LRRC37A2: variants seen among roughly 807,000 people sequenced by gnomAD.
LRRC37A2 encodes the protein leucine-rich repeat-containing protein 37A2.
LRRC37A2 carries 9 observed loss-of-function variants against 68.8 expected under a neutral mutation model. The ratio of observed to expected loss-of-function variants is 0.13; its 90% CI spans 0.08 to 0.23. The LOEUF (loss-of-function observed/expected upper bound fraction) is 0.23. Ranked by LOEUF, LRRC37A2 falls within the 10% of genes least tolerant of loss-of-function variation. LRRC37A2 has a pLI of 1.00. For synonymous variants in LRRC37A2, 63 were observed against 367.6 expected, an observed-to-expected ratio of 0.17 and a Z score of 9.48; for missense variants, 168 against 950.4, an observed-to-expected ratio of 0.18 and a Z score of 10.82.
At chr17:46,802,252 G>A in the LRRC37A2 span, among the ~76,000 whole-genome samples, 942 of 152,098 alleles carry the variant, frequency 6.2e-3, 6 homozygotes, top group Middle Eastern at 0.014. Context: ...AGGATTAAAG[G>A]GTTGGACTTT....
chr17:47,040,077 C>T, the LRRC37A2 span, among the ~76,000 whole-genome samples: 1 of 151,718 alleles, frequency 6.6e-6, no homozygotes, highest in Admixed American at 6.6e-5. Flanking sequence ...TCATACTTTC[C>T]TTTAGTTCTC....
At chr17:46,799,868 C>T in the LRRC37A2 span, among the ~76,000 whole-genome samples, 4 of 152,202 alleles carry the variant, frequency 2.6e-5, no homozygotes, top group African/African-American at 7.2e-5. Flanking sequence ...AAGCAAAGTT[C>T]TAGAAGCTAT....
the LRRC37A2 span, among the ~76,000 whole-genome samples, chr17:46,771,373 A>G: frequency 6.6e-6 from 1 of 151,432 alleles, no homozygotes; most frequent in Non-Finnish European, 1.5e-5. Context: ...GCCTCGGGGA[A>G]GAGGGGCCGA....
At chr17:46,661,578 A>ATTGT in the LRRC37A2 span, among the ~76,000 whole-genome samples, 103 of 41,530 alleles carry the variant, frequency 2.5e-3, no homozygotes, top group African/African-American at 9.3e-3. Context: ...TGTTTGTTTG[A>ATTGT]TTGTTTGTTT....
chr17:46,902,750 G>T, the LRRC37A2 span, among the ~76,000 whole-genome samples: 5 of 152,050 alleles, frequency 3.3e-5, no homozygotes, highest in Non-Finnish European at 7.4e-5. Flanking sequence ...CCAACCCTGT[G>T]GTCAGTTTCC....
At chr17:46,782,983 C>T in the LRRC37A2 span, among the ~76,000 whole-genome samples, 2 of 152,176 alleles carry the variant, frequency 1.3e-5, no homozygotes, top group Non-Finnish European at 2.9e-5. Context: ...TGTGGGAGAG[C>T]GCCAAGGTGC....
chr17:46,529,210 A>T lies in LRRC37A2; in HGVS notation c.2906+5326A>T, dbSNP rs62073316. Among the ~76,000 whole-genome samples, 9 of 120,078 alleles carry T rather than the reference A, an allele frequency of 7.5e-5. No individual in the cohort carries two copies. In the East Asian group the frequency reaches 1.7e-3, roughly 23 times the overall value. The allele number at this position is 120,078 out of a possible 152,430, so 78.8% of individuals were successfully genotyped here. ...GAATTTGGAGGGAAAAAAAAGAACA[A>T]GCAAGAAATGTTCCCTTATTTTGTG... is the stretch of plus-strand genomic sequence containing the variant. On this transcript the variant is annotated intron_variant, in intron 6 of 14. Transcript: ENST00000576629.
the LRRC37A2 span, among the ~76,000 whole-genome samples, chr17:46,388,394 C>CAA: frequency 1.6e-4 from 7 of 44,670 alleles, no homozygotes; most frequent in Admixed American, 2.0e-4. Flanking sequence ...ACTAAAAATA[C>CAA]AAAAAAAAAA....
the LRRC37A2 span, among the ~76,000 whole-genome samples, chr17:46,744,577 T>C: frequency 6.6e-6 from 1 of 152,196 alleles, no homozygotes; most frequent in Non-Finnish European, 1.5e-5. Flanking sequence ...AAATCAGCCC[T>C]TCCATTTCAC....
chr17:46,823,175 T>A, the LRRC37A2 span, among the ~76,000 whole-genome samples: 224 of 129,870 alleles, frequency 1.7e-3, 6 homozygotes, highest in African/African-American at 5.6e-3. Flanking sequence ...ATTATATATT[T>A]ATATATAATA....
chr17:46,951,200 CAG>C, the LRRC37A2 span, among the ~76,000 whole-genome samples: 1 of 152,168 alleles, frequency 6.6e-6, no homozygotes, highest in Non-Finnish European at 1.5e-5. Flanking sequence ...AGGAGGCAGA[CAG>C]AGGTGGACGC....
the LRRC37A2 span, chr17:46,939,013 C>G: frequency 4.5e-6 from 6 of 1,330,380 alleles, no homozygotes; most frequent in South Asian, 8.7e-5. Context: ...CTCTCACTCT[C>G]GCTCTCACTG....
At chr17:46,971,504 C>T in the LRRC37A2 span, among the ~76,000 whole-genome samples, 2 of 152,142 alleles carry the variant, frequency 1.3e-5, no homozygotes, top group African/African-American at 4.8e-5. Flanking sequence ...CCTGGCCTAA[C>T]TATATCCTTT....
chr17:46,712,322 A>G, the LRRC37A2 span, among the ~76,000 whole-genome samples: 4 of 152,152 alleles, frequency 2.6e-5, no homozygotes, highest in African/African-American at 9.7e-5. Context: ...CATATTATCT[A>G]TTTAAACCCC....
At chr17:46,804,828 G>C in the LRRC37A2 span, among the ~76,000 whole-genome samples, 1 of 152,178 alleles carries the variant, frequency 6.6e-6, no homozygotes, top group Non-Finnish European at 1.5e-5. Context: ...CTAGAGGTTT[G>C]TAAAATGGAC....
the LRRC37A2 span, among the ~76,000 whole-genome samples, chr17:46,858,181 C>T: frequency 3.7e-4 from 56 of 152,326 alleles, no homozygotes; most frequent in African/African-American, 1.2e-3. Context: ...CCACCCACCT[C>T]GGCCTCCCAA....
At chr17:46,836,883 G>A in the LRRC37A2 span, among the ~76,000 whole-genome samples, 91 of 152,332 alleles carry the variant, frequency 6.0e-4, no homozygotes, top group African/African-American at 2.1e-3. Context: ...ATTTTGGTTT[G>A]TAAATGAACC....
the LRRC37A2 span, chr17:46,932,264 C>T: frequency 6.3e-7 from 1 of 1,581,116 alleles, no homozygotes. Flanking sequence ...GAGTTCAGAT[C>T]TCTGAGCGCC....
the LRRC37A2 span, among the ~76,000 whole-genome samples, chr17:46,812,056 A>T: frequency 6.6e-6 from 1 of 152,154 alleles, no homozygotes; most frequent in African/African-American, 2.4e-5. Flanking sequence ...CCTTCCCAGA[A>T]GGCCCGTTTT....
Sources: gnomAD v4.1 joint callset for allele counts (sites outside exome capture counted in the v4.1 genomes callset) on GRCh38, gnomAD v4.1.1 for gene constraint, MANE v1.5 for transcripts, NCBI Gene and HGNC (gene_info 2026-07-23, HGNC 2026-07-21) for gene names.